FARS2: variants seen among roughly 807,000 people sequenced by gnomAD.
FARS2 encodes the protein phenylalanyl-tRNA synthetase 2, mitochondrial.
In FARS2, 40 loss-of-function variants were observed where a neutral mutation model predicts 46.4. The ratio of observed to expected loss-of-function variants is 0.86; its 90% CI spans 0.67 to 1.12. The LOEUF (loss-of-function observed/expected upper bound fraction) is 1.12. FARS2 is among the 50% of genes most tolerant of loss of function. FARS2 has a pLI of 0.00. For missense variants in FARS2, 513 were observed against 567.9 expected (o/e 0.90, Z 0.98); for synonymous variants, 234 against 214.9 (o/e 1.09, Z -0.78).
intron 4 of FARS2, among the ~76,000 whole-genome samples, chr6:5,530,397 C>T (rs561719391): frequency 9.1e-4 from 139 of 152,080 alleles, no homozygotes; most frequent in African/African-American, 3.3e-3. Context: ...ATATGTGATC[C>T]TCAACTGGAT....
chr6:5,679,216 G>T (rs2150828712), intron 6 of FARS2, among the ~76,000 whole-genome samples: 1 of 152,210 alleles, frequency 6.6e-6, no homozygotes, highest in Non-Finnish European at 1.5e-5. Flanking sequence ...CTTCCTTCAG[G>T]CTATGCTTTC....
Position 5,404,538 on chromosome 6 carries a change from A to G in FARS2, c.613-4A>G, listed in dbSNP as rs1554181180. 1.3e-6 allele frequency: 2 copies of G among 1,575,064 alleles called. No individual in the cohort carries two copies. Among genetic ancestry groups the G allele is most frequent in the Non-Finnish European group, 1.7e-6 (2 of 1,158,752 alleles). Reference sequence around the variant, plus strand: ...TTTATTTATACTTTCCTGTTGGTTTACAGTTATTTGCTGGTATAAAGGATG... The same window carrying G: ...TTTATTTATACTTTCCTGTTGGTTTGCAGTTATTTGCTGGTATAAAGGATG... On this transcript the variant is annotated splice_polypyrimidine_tract_variant and splice_region_variant and intron_variant, in intron 2 of 6. Coordinates refer to ENST00000274680, the MANE Select transcript of FARS2 (RefSeq NM_006567.5).
intron 4 of FARS2, among the ~76,000 whole-genome samples, chr6:5,454,049 C>T (rs375502894): frequency 6.6e-6 from 1 of 151,940 alleles, no homozygotes; most frequent in Admixed American, 6.6e-5. Flanking sequence ...TTAGCTTATA[C>T]ACTAAATTAA....
intron 6 of FARS2, among the ~76,000 whole-genome samples, chr6:5,731,805 G>A (rs543319592): frequency 2.6e-5 from 4 of 151,830 alleles, no homozygotes; most frequent in Admixed American, 2.0e-4. Context: ...AGGGCCCCTT[G>A]GTCCCTCTGA....
chr6:5,530,061 G>A (rs1013497341), intron 4 of FARS2, among the ~76,000 whole-genome samples: 1 of 152,218 alleles, frequency 6.6e-6, no homozygotes, highest in South Asian at 2.1e-4. Context: ...GTGAATAGTT[G>A]TTGTTTTAAA....
Position 5,343,931 on chromosome 6 carries a change from T to A in FARS2, c.-21-24619T>A, listed in dbSNP as rs1757057944. Among the ~76,000 whole-genome samples the A allele has an allele frequency of 6.6e-6, 1 of 152,234 alleles. No homozygotes were observed. Among genetic ancestry groups the A allele is most frequent in the Non-Finnish European group, 1.5e-5 (1 of 68,042 alleles). On this transcript the variant is annotated intron_variant, in intron 1 of 6. Coordinates refer to ENST00000274680, the MANE Select transcript of FARS2 (RefSeq NM_006567.5). This position sits in a 1 kb window ranked among gnomAD's most constrained non-coding sequence, Gnocchi z 4.5. The stretch of plus-strand genomic sequence containing the variant: ...CACAGCCATAAGTGGTCCTTGTGCA[T>A]GGCAATGGCTAAGAATGGGCACTGC...
chr6:5,413,099 G>A (rs1762030283), intron 3 of FARS2, among the ~76,000 whole-genome samples: 2 of 152,126 alleles, frequency 1.3e-5, no homozygotes, highest in African/African-American at 4.8e-5. Flanking sequence ...AGTGAAGTGG[G>A]AAAATATATA....
intron 6 of FARS2, among the ~76,000 whole-genome samples, chr6:5,638,856 G>T (rs555565510): frequency 2.6e-5 from 4 of 152,300 alleles, no homozygotes; most frequent in African/African-American, 9.6e-5. Context: ...CAGAGCTCAG[G>T]CCACTCACAG....
intron 1 of FARS2, among the ~76,000 whole-genome samples, chr6:5,328,869 C>T (rs1267790166): frequency 6.6e-6 from 1 of 152,116 alleles, no homozygotes; most frequent in Non-Finnish European, 1.5e-5. Context: ...GGAGTTATTT[C>T]GTATTGCAGT....
chr6:5,571,416 AAAAG>A (rs1342651174), intron 5 of FARS2, among the ~76,000 whole-genome samples: 3 of 152,260 alleles, frequency 2.0e-5, no homozygotes. Context: ...AATCATATAA[AAAAG>A]AAAGCCTCAC....
intron 6 of FARS2, among the ~76,000 whole-genome samples, chr6:5,681,540 G>A (rs747860000): frequency 5.9e-5 from 9 of 152,118 alleles, no homozygotes; most frequent in African/African-American, 2.2e-4. Flanking sequence ...TGTGTACAGG[G>A]GGAAAAAGTT....
chr6:5,770,905 C>G (rs978568042), intron 6 of FARS2, among the ~76,000 whole-genome samples: 1 of 152,098 alleles, frequency 6.6e-6, no homozygotes, highest in African/African-American at 2.4e-5. Context: ...GAGGCACACG[C>G]GGGTTGACCC....
At chr6:5,301,680 T>C (rs1042562915) in intron 1 of FARS2, among the ~76,000 whole-genome samples, 1 of 152,110 alleles carries the variant, frequency 6.6e-6, no homozygotes, top group Non-Finnish European at 1.5e-5. Context: ...TTTAATATAT[T>C]AGGGTGGGTT....
intron 6 of FARS2, among the ~76,000 whole-genome samples, chr6:5,644,915 C>T (rs532392414): frequency 2.0e-5 from 3 of 152,308 alleles, no homozygotes; most frequent in South Asian, 2.1e-4. Flanking sequence ...TAGCTGCACA[C>T]TCAGGATCAT....
chr6:5,769,035 T>G (rs1762890858), intron 6 of FARS2, among the ~76,000 whole-genome samples: 2 of 152,238 alleles, frequency 1.3e-5, no homozygotes, highest in Non-Finnish European at 2.9e-5. Flanking sequence ...TTTGGTGTCA[T>G]CTAAGGAGGT....
intron 6 of FARS2, among the ~76,000 whole-genome samples, chr6:5,662,061 C>G (rs1387381732): frequency 6.6e-6 from 1 of 152,130 alleles, no homozygotes; most frequent in Admixed American, 6.5e-5. Context: ...AAAATATTTT[C>G]TCTTGTTTTG....
chr6:5,647,844 T>A (rs1018392789), intron 6 of FARS2, among the ~76,000 whole-genome samples: 3 of 152,196 alleles, frequency 2.0e-5, no homozygotes, highest in African/African-American at 7.2e-5. Flanking sequence ...TTTTTTCATC[T>A]CCTGTAATTA....
At chr6:5,274,758 T>C (rs1004033657) in intron 1 of FARS2, among the ~76,000 whole-genome samples, 35 of 152,318 alleles carry the variant, frequency 2.3e-4, no homozygotes, top group Admixed American at 9.1e-4. Flanking sequence ...TCACCCCAGC[T>C]GGAGTGCAGT....
At chr6:5,724,373 C>T (rs749814144) in intron 6 of FARS2, among the ~76,000 whole-genome samples, 1 of 152,202 alleles carries the variant, frequency 6.6e-6, no homozygotes, top group Non-Finnish European at 1.5e-5. Context: ...GGAGCCATCC[C>T]TTCCCTTTGT....
Sources: allele counts gnomAD v4.1 joint callset (sites outside exome capture counted in the v4.1 genomes callset), GRCh38; gene constraint gnomAD v4.1.1; non-coding constraint Gnocchi (gnomAD v3.1); transcripts MANE v1.5; gene names NCBI Gene and HGNC (gene_info 2026-07-23, HGNC 2026-07-21).